Variants in CLIC5 observed in about 807,000 individuals in gnomAD.
CLIC5 encodes chloride intracellular channel protein 5.
CLIC5 carries 20 observed loss-of-function variants against 24.7 expected under a neutral mutation model. The ratio of observed to expected loss-of-function variants is 0.81; its 90% CI spans 0.57 to 1.18. The LOEUF is 1.18. Among genes scored for constraint, CLIC5 ranks in the 50% most tolerant of loss-of-function variants. CLIC5 has a pLI of 0.00. For synonymous variants in CLIC5, 159 were observed against 135.6 expected, an observed-to-expected ratio of 1.17 and a Z score of -1.20; for missense variants, 341 against 326.1, an observed-to-expected ratio of 1.05 and a Z score of -0.35.
intron 1 of CLIC5, among the ~76,000 whole-genome samples, chr6:45,997,303 A>G (rs1230746207): frequency 2.8e-5 from 4 of 141,838 alleles, no homozygotes; most frequent in Admixed American, 2.3e-4. Flanking sequence ...GAATTGAACA[A>G]TGAGATCACA....
the CLIC5 span, among the ~76,000 whole-genome samples, chr6:46,117,190 C>T: frequency 3.3e-5 from 5 of 152,238 alleles, no homozygotes; most frequent in East Asian, 7.7e-4. Context: ...CCATGGTGTC[C>T]TGTCAGCTGT....
chr6:46,018,515 C>T (rs558897464), upstream of CLIC5, among the ~76,000 whole-genome samples: 5 of 152,292 alleles, frequency 3.3e-5, no homozygotes, highest in South Asian at 4.1e-4. Context: ...CTTCTTTGGT[C>T]ATAAACTATT....
At chr6:45,915,961 G>A (rs1208493113) in intron 4 of CLIC5, among the ~76,000 whole-genome samples, 1 of 152,144 alleles carries the variant, frequency 6.6e-6, no homozygotes, top group African/African-American at 2.4e-5. Context: ...AGTCGATCCT[G>A]CTGTTCATTC....
downstream of CLIC5, among the ~76,000 whole-genome samples, chr6:45,896,891 A>G (rs1429667057): frequency 1.3e-5 from 2 of 152,160 alleles, no homozygotes; most frequent in Admixed American, 1.3e-4. Flanking sequence ...TGAGCAGTCT[A>G]ATGATCTAAC....
intron 1 of CLIC5, among the ~76,000 whole-genome samples, chr6:46,025,883 C>T (rs1230138885): frequency 6.6e-6 from 1 of 152,148 alleles, no homozygotes; most frequent in African/African-American, 2.4e-5. Flanking sequence ...TTTGTTCTCT[C>T]TCTCTCCTCC....
chr6:45,988,010 T>G (rs544181024), intron 1 of CLIC5, among the ~76,000 whole-genome samples: 1 of 152,182 alleles, frequency 6.6e-6, no homozygotes, highest in Non-Finnish European at 1.5e-5. Context: ...TCTTAACTCA[T>G]TCCAGTGTCA....
chr6:45,939,080 A>G (rs1053602798), intron 4 of CLIC5, among the ~76,000 whole-genome samples: 3 of 152,132 alleles, frequency 2.0e-5, no homozygotes, highest in African/African-American at 7.2e-5. Context: ...ATATCAAGGT[A>G]TTAGTAGGTG....
At chr6:46,038,460 G>A (rs886543769) in intron 1 of CLIC5, among the ~76,000 whole-genome samples, 1 of 152,134 alleles carries the variant, frequency 6.6e-6, no homozygotes, top group African/African-American at 2.4e-5. Context: ...CCTTCTCTTG[G>A]ATGATTTTCC....
At chr6:45,984,462 A>G (rs1176850698) in intron 1 of CLIC5, among the ~76,000 whole-genome samples, 2 of 152,106 alleles carry the variant, frequency 1.3e-5, no homozygotes, top group Admixed American at 1.3e-4. Context: ...TGACTTTGGG[A>G]GCTTCAGCTT....
chr6:45,975,109 G>C (rs1393658248), intron 1 of CLIC5, among the ~76,000 whole-genome samples: 2 of 152,144 alleles, frequency 1.3e-5, no homozygotes, highest in East Asian at 1.9e-4. Context: ...AAAAAAGAAA[G>C]AATATATGAA....
At chr6:46,020,778 A>T (rs1360519538), upstream of CLIC5, among the ~76,000 whole-genome samples, 1 of 152,048 alleles carries the variant, frequency 6.6e-6, no homozygotes, top group Non-Finnish European at 1.5e-5. Flanking sequence ...CAAAAAGATA[A>T]GGGAGTACTA....
the CLIC5 span, among the ~76,000 whole-genome samples, chr6:46,092,468 T>C: frequency 6.7e-6 from 1 of 149,874 alleles, no homozygotes; most frequent in Non-Finnish European, 1.5e-5. Flanking sequence ...TAACCTAAAA[T>C]GTGTTTTATT....
At chr6:45,993,215 G>A (rs998455751) in intron 1 of CLIC5, among the ~76,000 whole-genome samples, 5 of 152,186 alleles carry the variant, frequency 3.3e-5, no homozygotes, top group African/African-American at 4.8e-5. Flanking sequence ...TTGTTCATAA[G>A]AGGAAAATTT....
intron 1 of CLIC5, among the ~76,000 whole-genome samples, chr6:45,984,939 A>G (rs963175093): frequency 6.6e-6 from 1 of 152,200 alleles, no homozygotes; most frequent in Non-Finnish European, 1.5e-5. Context: ...GCCATCCTTG[A>G]CGTCATAGCT....
upstream of CLIC5, among the ~76,000 whole-genome samples, chr6:46,081,871 C>T (rs1335172155): frequency 6.6e-6 from 1 of 152,170 alleles, no homozygotes; most frequent in Admixed American, 6.5e-5. Context: ...TTCCTTAACT[C>T]AGTATTTTCC....
At chr6:45,911,550 G>T in intron 5 of CLIC5, 6 of 931,862 alleles carry the variant, frequency 6.4e-6, no homozygotes, top group Middle Eastern at 5.5e-4. Context: ...TGGATGAAAA[G>T]GGTCTCCAAT....
rs1325342019 is a variant in CLIC5, at chr6:45,905,431, T to C, written c.589-2176A>G. Among the ~76,000 whole-genome samples, 3 of 151,726 alleles carry C rather than the reference T, an allele frequency of 2.0e-5. No individual in the cohort carries two copies. In the East Asian group the frequency reaches 5.8e-4, roughly 29 times the overall value. On this transcript the variant is annotated intron_variant, in intron 5 of 5. Transcript: ENST00000339561. Reference sequence around the variant, plus strand: ...CATCCTGACTGGTGTGAGGGAGGTGTCTCCTTGTGCTTTTAATTTGCGTTT... The same window carrying C: ...CATCCTGACTGGTGTGAGGGAGGTGCCTCCTTGTGCTTTTAATTTGCGTTT...
At chr6:45,971,317 A>T (rs1765193057) in intron 1 of CLIC5, among the ~76,000 whole-genome samples, 1 of 152,236 alleles carries the variant, frequency 6.6e-6, no homozygotes. Context: ...AACAAAGCAT[A>T]TCACTTATAT....
intron 1 of CLIC5, among the ~76,000 whole-genome samples, chr6:46,066,894 G>C (rs747030186): frequency 4.6e-5 from 7 of 152,144 alleles, no homozygotes; most frequent in Non-Finnish European, 8.8e-5. Context: ...GGGCAAAGCT[G>C]GATGGAGCAG....
Sources: gnomAD v4.1 joint callset for allele counts (sites outside exome capture counted in the v4.1 genomes callset) on GRCh38, gnomAD v4.1.1 for gene constraint, MANE v1.5 for transcripts, NCBI Gene and HGNC (gene_info 2026-07-23, HGNC 2026-07-21) for gene names.